The following DCDC1 variants were observed in gnomAD, a reference collection of about 807,000 sequenced individuals.
DCDC1 encodes doublecortin domain-containing protein 1.
DCDC1 carries 200 observed loss-of-function variants against 178.3 expected under a neutral mutation model. The ratio of observed to expected loss-of-function variants is 1.12; its 90% CI spans 1.00 to 1.26. The LOEUF (loss-of-function observed/expected upper bound fraction) is 1.26, where lower values mean the gene tolerates loss of function less well. Ranked by LOEUF, DCDC1 falls within the 50% of genes most tolerant of loss-of-function variation. The pLI is 0.00. For missense variants in DCDC1, 1,983 were observed against 1,749.2 expected (o/e 1.13, Z -2.38); for synonymous variants, 690 against 604.8 (o/e 1.14, Z -2.07).
chr11:31,003,842 G>A (rs76574866), intron 20 of DCDC1, among the ~76,000 whole-genome samples: 4,254 of 152,282 alleles, frequency 0.028, 178 homozygotes, highest in African/African-American at 0.096. Flanking sequence ...TAGGAAATGT[G>A]TTAAGACTGA....
At chr11:31,342,748 G>A (rs986760112) in intron 1 of DCDC1, among the ~76,000 whole-genome samples, 1 of 152,046 alleles carries the variant, frequency 6.6e-6, no homozygotes, top group Non-Finnish European at 1.5e-5. Flanking sequence ...TGATTAAAGA[G>A]TAAAACCACT....
At chr11:31,242,661 C>T (rs1230928471) in intron 8 of DCDC1, among the ~76,000 whole-genome samples, 3 of 151,600 alleles carry the variant, frequency 2.0e-5, no homozygotes, top group African/African-American at 7.3e-5. Flanking sequence ...TAGGTCATGC[C>T]GTTAGTTATG....
chr11:31,203,546 C>G (rs1971539198), intron 9 of DCDC1, among the ~76,000 whole-genome samples: 1 of 152,150 alleles, frequency 6.6e-6, no homozygotes, highest in Non-Finnish European at 1.5e-5. Context: ...GCCTAGGCTT[C>G]TCACTACTAC....
At chr11:31,206,820 C>T (rs565089859) in intron 9 of DCDC1, among the ~76,000 whole-genome samples, 1 of 152,278 alleles carries the variant, frequency 6.6e-6, no homozygotes, top group East Asian at 1.9e-4. Flanking sequence ...TAAAATTTAA[C>T]ATGCCCTTCC....
intron 9 of DCDC1, among the ~76,000 whole-genome samples, chr11:31,180,326 C>T (rs1253121283): frequency 6.6e-6 from 1 of 152,100 alleles, no homozygotes; most frequent in Non-Finnish European, 1.5e-5. Context: ...TAATGTATGA[C>T]ATGATGGATT....
At chr11:31,210,488 G>GGGCA (rs1283822051) in intron 9 of DCDC1, among the ~76,000 whole-genome samples, 17 of 152,052 alleles carry the variant, frequency 1.1e-4, no homozygotes, top group Non-Finnish European at 1.8e-4. Flanking sequence ...CGAGGCAGGT[G>GGGCA]GATCATGAGG....
At chr11:30,950,088 A>G (rs1948325604) in intron 21 of DCDC1, among the ~76,000 whole-genome samples, 1 of 152,186 alleles carries the variant, frequency 6.6e-6, no homozygotes, top group South Asian at 2.1e-4. Flanking sequence ...AAAATGCTCA[A>G]TATCACTAAT....
chr11:31,003,304 C>T (rs563448996), intron 20 of DCDC1, among the ~76,000 whole-genome samples: 11 of 152,048 alleles, frequency 7.2e-5, no homozygotes, highest in South Asian at 2.1e-4. Context: ...CTATTTCCAC[C>T]GAGGGAGTGG....
chr11:31,042,588 GT>G lies in DCDC1; in HGVS notation c.2591+21880del, dbSNP rs35169737. Among the ~76,000 whole-genome samples, 96 of 148,856 alleles carry G rather than the reference GT, an allele frequency of 6.4e-4. 1 individual carries two copies. In the South Asian group the frequency reaches 8.7e-3, roughly 13 times the overall value. ...AAATAGCTATCCAAGGTTTGTTGTT[GT>G]TTTTTTTTTCCAGCCCACTATGACC... On this transcript the variant is annotated intron_variant, in intron 20 of 38. Transcript: ENST00000684477.
intron 20 of DCDC1, among the ~76,000 whole-genome samples, chr11:30,978,874 G>T (rs1436525101): frequency 6.6e-6 from 1 of 150,700 alleles, no homozygotes. Context: ...CTACCTCCAG[G>T]AGATCAACTC....
At chr11:31,306,059 T>A (rs1948434462) in intron 5 of DCDC1, among the ~76,000 whole-genome samples, 173 bp downstream of exon 5, 2 of 152,036 alleles carry the variant, frequency 1.3e-5, no homozygotes, top group East Asian at 3.9e-4. Context: ...ATATATTGAA[T>A]TTTTTTAAAA....
chr11:31,248,626 T>C (rs994622825), intron 8 of DCDC1, among the ~76,000 whole-genome samples: 1 of 152,090 alleles, frequency 6.6e-6, no homozygotes, highest in African/African-American at 2.4e-5. Context: ...ATTACTTACA[T>C]GTTAATGATT....
chr11:30,937,749 C>G (rs1947365256), intron 21 of DCDC1, among the ~76,000 whole-genome samples: 1 of 152,098 alleles, frequency 6.6e-6, no homozygotes, highest in South Asian at 2.1e-4. Flanking sequence ...TCTATTTTAT[C>G]TTCCTTATGT....
intron 17 of DCDC1, among the ~76,000 whole-genome samples, chr11:31,085,407 A>G (rs7931168): frequency 5.5e-4 from 84 of 152,068 alleles, no homozygotes; most frequent in African/African-American, 1.8e-3. Context: ...CCATCATCCT[A>G]TCTTCAGGCA....
chr11:31,075,971 T>C (rs1956839521), intron 18 of DCDC1, among the ~76,000 whole-genome samples: 1 of 152,224 alleles, frequency 6.6e-6, no homozygotes, highest in South Asian at 2.1e-4. Context: ...GTGATTCTCC[T>C]GCCTCAGCCT....
At chr11:31,080,060 A>T (rs907911666) in intron 17 of DCDC1, among the ~76,000 whole-genome samples, 2 of 152,184 alleles carry the variant, frequency 1.3e-5, no homozygotes, top group African/African-American at 4.8e-5. Flanking sequence ...CAACTTCAGC[A>T]TTAGGTGGGG....
At chr11:30,992,274 A>C (rs1275131994) in intron 20 of DCDC1, among the ~76,000 whole-genome samples, 4 of 152,198 alleles carry the variant, frequency 2.6e-5, no homozygotes, top group South Asian at 4.1e-4. Context: ...TCCAAATAAC[A>C]AGATCCTGAA....
chr11:31,129,574 A>G (rs1962154719), intron 10 of DCDC1, among the ~76,000 whole-genome samples: 2 of 152,160 alleles, frequency 1.3e-5, no homozygotes, highest in South Asian at 2.1e-4. Flanking sequence ...ACAAAAAAAA[A>G]TAATAATAAG....
chr11:31,336,482 T>C (rs560656865), intron 1 of DCDC1, among the ~76,000 whole-genome samples: 15 of 152,234 alleles, frequency 9.9e-5, no homozygotes, highest in African/African-American at 1.4e-4. Flanking sequence ...TTGTTAGGAC[T>C]TTGCGAGAAC....
Sources: gnomAD v4.1 joint callset for allele counts (sites outside exome capture counted in the v4.1 genomes callset) on GRCh38, gnomAD v4.1.1 for gene constraint, MANE v1.5 for transcripts, NCBI Gene and HGNC (gene_info 2026-07-23, HGNC 2026-07-21) for gene names.